The following MFSD6L variants were observed in gnomAD, a reference collection of about 807,000 sequenced individuals.
MFSD6L encodes the protein major facilitator superfamily domain containing 6 like, also known as major facilitator superfamily domain-containing protein 6-like.
A neutral mutation model predicts 6.4 loss-of-function variants in MFSD6L; 9 were observed. That is an observed-to-expected ratio of 1.42 (90% CI 0.85 to 2.47). MFSD6L has a LOEUF of 2.47. Ranked by LOEUF, MFSD6L falls within the 30% of genes most tolerant of loss-of-function variation. MFSD6L has a pLI of 0.00. For synonymous variants in MFSD6L, 336 were observed against 322.4 expected (o/e 1.04, Z -0.45); for missense variants, 747 against 730.6 (o/e 1.02, Z -0.26).
chr17:8,797,531 G>A lies in MFSD6L; in HGVS notation c.1590C>T (p.Ala530=), dbSNP rs751789919. ...LAVLYQACCV[A]LLLWLALLLS... is the part of the protein sequence containing the mutation. ...GGAGCAAGGCCAACCAGAGCAACAG[G>A]GCCACACAGCAGGCCTGGTAGAGCA... The change falls in exon 1 of 1, where the codon GCC becomes GCT. Residue 530 remains alanine, a synonymous_variant. Transcript: ENST00000329805. 2 of 1,613,994 alleles carry A rather than the reference G, an allele frequency of 1.2e-6. No homozygotes were observed. The highest frequency in any genetic ancestry group is 8.5e-7 in the Non-Finnish European group (1 of 1,179,948).
Position 8,797,934 on chromosome 17 carries a change from T to C in MFSD6L, c.1187A>G (p.His396Arg), listed in dbSNP as rs1289773387. Residue 396 changes from histidine (H) to arginine (R), a missense_variant, in exon 1 of 1, where the codon CAT (histidine) becomes CGT (arginine). Transcript: ENST00000329805. Reference protein sequence around the residue: ...QNFLFWHMKDHGSGELVMGFS... With the variant: ...QNFLFWHMKDRGSGELVMGFS... ...ACCCATGACCAGCTCGCCGCTCCCA[T>C]GGTCCTTCATGTGCCAGAACAGAAA... The C allele has an allele frequency of 1.2e-6, 2 of 1,613,916 alleles. No homozygotes were observed. Among genetic ancestry groups the C allele is most frequent in the Admixed American group, 1.7e-5 (1 of 60,020 alleles).
At position 8,798,686 on chromosome 17, in the gene MFSD6L, A is replaced by G. The variant is rs1597365886; in HGVS notation, c.435T>C (p.Thr145=). 6.2e-7 allele frequency: 1 copy of G among 1,614,150 alleles called. No individual in the cohort carries two copies. The highest frequency in any genetic ancestry group is 2.2e-5 in the East Asian group (1 of 44,876). Residue 145 remains threonine, a synonymous_variant, in exon 1 of 1, where the codon ACT becomes ACC. Transcript: ENST00000329805. ...TGAAGCCAGGCATTTCCACCTCTGC[A>G]GTCCTCTTGGCTGGGTGGCTGGAGG... ...ESASSHPAKR[T]AEVEMPGFRN...
rs143533922 is a variant in MFSD6L, at chr17:8,797,828, C to T, written c.1293G>A (p.Thr431=). ...KATLLRKLSR[T]GLVGLGLSCL... is the part of the protein sequence containing the mutation. ...AGCTCAGCCCCAGCCCCACCAGGCC[C>T]GTCCTGGACAGTTTCCTAAGCAATG... The change falls in exon 1 of 1, where the codon ACG becomes ACA. Residue 431 remains threonine, a synonymous_variant. Coordinates refer to ENST00000329805, the MANE Select transcript of MFSD6L (RefSeq NM_152599.4). 121 of 1,613,888 alleles carry T rather than the reference C, an allele frequency of 7.5e-5. No individual in the cohort carries two copies. In the African/African-American group the frequency reaches 1.3e-3, roughly 17 times the overall value.
Position 8,799,055 on chromosome 17 carries a change from C to T in MFSD6L, c.66G>A (p.Val22=), listed in dbSNP as rs1271226247. The part of the protein sequence containing the change: ...ALGVAKLFHL[V]CGVREACVTP... Reference sequence around the variant, plus strand: ...TCACGCAGGCTTCCCGCACCCCGCACACCAGGTGGAAGAGCTTGGCCACCC... The same window carrying T: ...TCACGCAGGCTTCCCGCACCCCGCATACCAGGTGGAAGAGCTTGGCCACCC... Residue 22 remains valine, a synonymous_variant, in exon 1 of 1, where the codon GTG becomes GTA. Coordinates refer to ENST00000329805, the MANE Select transcript of MFSD6L (RefSeq NM_152599.4). The surrounding 1 kb of genome is among the most constrained non-coding windows in gnomAD (Gnocchi z 5.3). 1.2e-6 allele frequency: 2 copies of T among 1,608,246 alleles called. No homozygotes were observed. Among genetic ancestry groups the T allele is most frequent in the South Asian group, 1.1e-5 (1 of 90,412 alleles).
rs376696031 is a variant in MFSD6L at position 8,798,390 on chromosome 17, C to T, written c.731G>A (p.Arg244Gln). The T allele has an allele frequency of 4.3e-5, 70 of 1,611,856 alleles. No homozygotes were observed. Among genetic ancestry groups the T allele is most frequent in the African/African-American group, 2.1e-4 (16 of 74,810 alleles). ...GGACCCCAAGGAGAGGATAAAAGTC[C>T]GCCGCAACGCCTCCAAGGACAGGTC... ...AFDLSLEALR[R>Q]TFILSLGSVA... Residue 244 changes from arginine (R) to glutamine (Q), a missense_variant, in exon 1 of 1, where the codon CGG (arginine) becomes CAG (glutamine). Coordinates refer to ENST00000329805, the MANE Select transcript of MFSD6L (RefSeq NM_152599.4).
Position 8,797,405 on chromosome 17 carries a change from T to A in MFSD6L, c.1716A>T (p.Glu572Asp). Reference sequence around the variant, plus strand: ...TCATGGCCTTCACAAGCCAGTCCTGTTCTGTCCCCTGCTCAGAGTCACTGG... The same window carrying A: ...TCATGGCCTTCACAAGCCAGTCCTGATCTGTCCCCTGCTCAGAGTCACTGG... ...SDTSDSEQGT[E>D]QDWLVKAMRE... Residue 572 changes from glutamate to aspartate, a missense_variant, in exon 1 of 1, where the codon GAA (glutamate) becomes GAT (aspartate). Coordinates refer to ENST00000329805, the MANE Select transcript of MFSD6L (RefSeq NM_152599.4). The A allele has an allele frequency of 1.2e-6, 2 of 1,603,824 alleles. No homozygotes were observed. Among genetic ancestry groups the A allele is most frequent in the Non-Finnish European group, 1.7e-6 (2 of 1,174,840 alleles).
rs17854013 is a variant in MFSD6L, at chr17:8,798,481, G to T, written c.640C>A (p.Pro214Thr). The T allele has an allele frequency of 0.2, 321,309 of 1,606,126 alleles. 34,250 individuals carry two copies. Among genetic ancestry groups the T allele is most frequent in the East Asian group, 0.43 (19,259 of 44,740 alleles). ...EVVKTALPLL[P>T]GGKGPGNPAN... The stretch of plus-strand genomic sequence containing the variant: ...GGATTCCCGGGCCCTTTCCCCCCAG[G>T]AAGCAAGGGGAGGGCTGTCTTGACC... Residue 214 changes from proline to threonine, a missense_variant, in exon 1 of 1, where the codon CCT becomes ACT. Coordinates refer to ENST00000329805, the MANE Select transcript of MFSD6L (RefSeq NM_152599.4).
In MFSD6L at chr17:8,798,614, G is replaced by C; in HGVS notation, c.507C>G (p.His169Gln). The change falls in exon 1 of 1, where the codon CAC (histidine) becomes CAG (glutamine). Residue 169 changes from histidine to glutamine, a missense_variant. By Grantham distance (24) the His-to-Gln change is conservative (BLOSUM62 0). Transcript: ENST00000329805. ...ESDRETFRDL[H>Q]VYLAPSVEGA... Reference sequence around the variant, plus strand: ...CTTCAACGGAGGGCGCTAAGTAGACGTGCAGATCACGGAAAGTTTCTCGGT... The same window carrying C: ...CTTCAACGGAGGGCGCTAAGTAGACCTGCAGATCACGGAAAGTTTCTCGGT... The C allele has an allele frequency of 6.2e-7, 1 of 1,614,146 alleles. No homozygotes were observed. The highest frequency in any genetic ancestry group is 1.1e-5 in the South Asian group (1 of 91,076).
rs1286392749 is a variant in MFSD6L at position 8,797,970 on chromosome 17, G to A, written c.1151C>T (p.Thr384Ile). 5.6e-6 allele frequency: 9 copies of A among 1,613,940 alleles called. No individual in the cohort carries two copies. Among genetic ancestry groups the A allele is most frequent in the Middle Eastern group, 1.6e-4 (1 of 6,084 alleles). ...GTGCCAGAACAGAAAGTTCTGGACA[G>A]TACTGACGATGGCTCCTACCAAAAC... is the stretch of plus-strand genomic sequence containing the variant. ...TTVLVGAIVS[T>I]VQNFLFWHMK... Residue 384 changes from threonine (T) to isoleucine (I), a missense_variant, in exon 1 of 1, where the codon ACT becomes ATT. Physicochemically the swap from Thr to Ile is moderately conservative, Grantham distance 89. Transcript: ENST00000329805.
At position 8,798,541 on chromosome 17, in the gene MFSD6L, GC is replaced by G; in HGVS notation, c.579del (p.Leu194Ter). ...SQALLHPVTS[G>X]LKDHPWEVTF... The stretch of plus-strand genomic sequence containing the variant: ...GTAACTTCCCAGGGATGATCTTTCA[GC>G]CCCGAAGTGACAGGATGGAGGAGAG... On this transcript the variant is annotated frameshift_variant, in exon 1 of 1. Coordinates refer to ENST00000329805, the MANE Select transcript of MFSD6L (RefSeq NM_152599.4). LOFTEE classifies it low-confidence loss of function (END_TRUNC). 6.2e-7 allele frequency: 1 copy of G among 1,613,950 alleles called. No homozygotes were observed. The highest frequency in any genetic ancestry group is 8.5e-7 in the Non-Finnish European group (1 of 1,179,852).
In MFSD6L at chr17:8,798,319, C is replaced by G; in HGVS notation, c.802G>C (p.Asp268His). The change falls in exon 1 of 1, where the codon GAT becomes CAT. Residue 268 changes from aspartate to histidine, a missense_variant. Coordinates refer to ENST00000329805, the MANE Select transcript of MFSD6L (RefSeq NM_152599.4). ...TCCAGGAACTCATAAAGGCTGTCAT[C>G]TGCCACCTGCTCCAGAGGCGCTGTC... ...LLTAPLEQVADDSLYEFLDFV... is the reference protein window; with the variant it reads ...LLTAPLEQVAHDSLYEFLDFV... The G allele has an allele frequency of 6.2e-7, 1 of 1,608,864 alleles. No individual in the cohort carries two copies. Among genetic ancestry groups the G allele is most frequent in the Non-Finnish European group, 8.5e-7 (1 of 1,179,998 alleles).
chr17:8,798,929 G>A lies in MFSD6L; in HGVS notation c.192C>T (p.Pro64=). 2 of 1,613,844 alleles carry A rather than the reference G, an allele frequency of 1.2e-6. No homozygotes were observed. Among genetic ancestry groups the A allele is most frequent in the East Asian group, 2.2e-5 (1 of 44,868 alleles). The change falls in exon 1 of 1, where the codon CCC becomes CCT. Residue 64 remains proline, a synonymous_variant. Transcript: ENST00000329805. ...TKHLIAAFWA[P]VCAFLAKSYR... Reference sequence around the variant, plus strand: ...AGCTTTTGGCCAGGAAGGCACAGACGGGAGCCCAGAAGGCAGCGATTAGGT... The same window carrying A: ...AGCTTTTGGCCAGGAAGGCACAGACAGGAGCCCAGAAGGCAGCGATTAGGT...
rs1327689059 is a variant in MFSD6L, at chr17:8,798,576, G to A, written c.545C>T (p.Thr182Ile). Residue 182 changes from threonine to isoleucine, a missense_variant, in exon 1 of 1, where the codon ACA becomes ATA. By Grantham distance (89) the Thr-to-Ile change is moderately conservative. Transcript: ENST00000329805. Reference protein sequence around the residue: ...LAPSVEGARTTSQALLHPVTS... With the variant: ...LAPSVEGARTISQALLHPVTS... The stretch of plus-strand genomic sequence containing the variant: ...GACAGGATGGAGGAGAGCTTGGGAT[G>A]TGGTCCTAGCTCCTTCAACGGAGGG... 1.2e-6 allele frequency: 2 copies of A among 1,614,082 alleles called. No individual in the cohort carries two copies. Among genetic ancestry groups the A allele is most frequent in the African/African-American group, 2.7e-5 (2 of 74,936 alleles).
In MFSD6L at chr17:8,798,457, G is replaced by C; in HGVS notation, c.664C>G (p.Pro222Ala). ...CCCTTGGTCCCTGACAAATTGGCTG[G>C]ATTCCCGGGCCCTTTCCCCCCAGGA... is the stretch of plus-strand genomic sequence containing the variant. The part of the protein sequence containing the change: ...LLPGGKGPGN[P>A]ANLSGTKGKA... Residue 222 changes from proline (P) to alanine (A), a missense_variant, in exon 1 of 1, where the codon CCA becomes GCA. Physicochemically the swap from Pro to Ala is conservative, Grantham distance 27. Coordinates refer to ENST00000329805, the MANE Select transcript of MFSD6L (RefSeq NM_152599.4). 6.2e-7 allele frequency: 1 copy of C among 1,606,900 alleles called. No homozygotes were observed.
Position 8,797,947 on chromosome 17 carries a change from G to T in MFSD6L, c.1174C>A (p.His392Asn). 6.2e-7 allele frequency: 1 copy of T among 1,613,986 alleles called. No homozygotes were observed. Among genetic ancestry groups the T allele is most frequent in the Non-Finnish European group, 8.5e-7 (1 of 1,180,004 alleles). Residue 392 changes from histidine (H) to asparagine (N), a missense_variant, in exon 1 of 1, where the codon CAC (histidine) becomes AAC (asparagine). Physicochemically the swap from His to Asn is moderately conservative, Grantham distance 68. Transcript: ENST00000329805. ...TCGCCGCTCCCATGGTCCTTCATGTGCCAGAACAGAAAGTTCTGGACAGTA... is the reference window on the plus strand; with the variant it reads ...TCGCCGCTCCCATGGTCCTTCATGTTCCAGAACAGAAAGTTCTGGACAGTA... ...VSTVQNFLFW[H>N]MKDHGSGELV...
rs780506436 is a variant in MFSD6L, at chr17:8,798,614, G to T, written c.507C>A (p.His169Gln). ...CTTCAACGGAGGGCGCTAAGTAGAC[G>T]TGCAGATCACGGAAAGTTTCTCGGT... Reference protein sequence around the residue: ...ESDRETFRDLHVYLAPSVEGA... With the variant: ...ESDRETFRDLQVYLAPSVEGA... Residue 169 changes from histidine (H) to glutamine (Q), a missense_variant, in exon 1 of 1, where the codon CAC becomes CAA. Transcript: ENST00000329805. 1 of 1,614,146 alleles carries T rather than the reference G, an allele frequency of 6.2e-7. No individual in the cohort carries two copies.
At position 8,798,799 on chromosome 17, in the gene MFSD6L, G is replaced by A. The variant is rs1316891321; in HGVS notation, c.322C>T (p.Pro108Ser). 1.9e-6 allele frequency: 3 copies of A among 1,614,098 alleles called. No individual in the cohort carries two copies. Among genetic ancestry groups the A allele is most frequent in the Non-Finnish European group, 2.5e-6 (3 of 1,180,038 alleles). The stretch of plus-strand genomic sequence containing the variant: ...GTCAGGCCGCTGCTTCCATTACAAG[G>A]GAAGTGCACCCGATTTTTGTCTACC... ...PPVDKNRVHFPCNGSSGLTST... is the reference protein window; with the variant it reads ...PPVDKNRVHFSCNGSSGLTST... Residue 108 changes from proline to serine, a missense_variant, in exon 1 of 1, where the codon CCT (proline) becomes TCT (serine). Pro to Ser is a moderately conservative substitution (Grantham distance 74). Transcript: ENST00000329805.
chr17:8,798,469 C>A lies in MFSD6L; in HGVS notation c.652G>T (p.Gly218Trp). ...GACAAATTGGCTGGATTCCCGGGCC[C>A]TTTCCCCCCAGGAAGCAAGGGGAGG... Reference protein sequence around the residue: ...TALPLLPGGKGPGNPANLSGT... With the variant: ...TALPLLPGGKWPGNPANLSGT... Residue 218 changes from glycine (G) to tryptophan (W), a missense_variant, in exon 1 of 1, where the codon GGG becomes TGG. Coordinates refer to ENST00000329805, the MANE Select transcript of MFSD6L (RefSeq NM_152599.4). 6.2e-7 allele frequency: 1 copy of A among 1,607,254 alleles called. No individual in the cohort carries two copies. The highest frequency in any genetic ancestry group is 8.5e-7 in the Non-Finnish European group (1 of 1,175,964).
At position 8,797,117 on chromosome 17, in the gene MFSD6L, T is replaced by A. The variant is rs916263918; in HGVS notation, c.*243A>T. The A allele has an allele frequency of 1.6e-5, 7 of 426,702 alleles. No individual in the cohort carries two copies. Among genetic ancestry groups the A allele is most frequent in the Non-Finnish European group, 2.9e-5 (7 of 243,556 alleles). 26.4% of individuals were successfully genotyped at this position (426,702 alleles called of 1,614,324 possible). On this transcript the variant is annotated 3_prime_UTR_variant, in exon 1 of 1. Coordinates refer to ENST00000329805, the MANE Select transcript of MFSD6L (RefSeq NM_152599.4). ...TATAGTGACTATAGAGGGAACTTTT[T>A]AAAAAGCAAATGTATTCTTCCTCCA... is the stretch of plus-strand genomic sequence containing the variant.
Sources: allele counts gnomAD v4.1 joint callset, GRCh38; gene constraint gnomAD v4.1.1; non-coding constraint Gnocchi (gnomAD v3.1); transcripts MANE v1.5; gene names NCBI Gene and HGNC (gene_info 2026-07-23, HGNC 2026-07-21).